The following ELF2 variants were observed in gnomAD, a reference collection of about 807,000 sequenced individuals.
ELF2 encodes the protein E74 like ETS transcription factor 2.
Under a neutral mutation model 54.8 loss-of-function variants are expected in ELF2, and 11 were observed. The observed-to-expected ratio is 0.20, with a 90% CI of 0.13 to 0.33. The LOEUF is 0.33. ELF2 is among the 10% of genes least tolerant of loss of function. The pLI is 1.00. For missense variants in ELF2, 513 were observed against 703.0 expected, an observed-to-expected ratio of 0.73 and a Z score of 3.06; for synonymous variants, 203 against 245.1, an observed-to-expected ratio of 0.83 and a Z score of 1.61.
At chr4:139,127,266 A>G (rs1164641499) in intron 3 of ELF2, among the ~76,000 whole-genome samples, 1 of 152,172 alleles carries the variant, frequency 6.6e-6, no homozygotes, top group African/African-American at 2.4e-5. Context: ...TCTTCATGTG[A>G]CCATATACCT....
chr4:139,125,314 A>G lies in ELF2; in HGVS notation c.88T>C (p.Ser30Pro), dbSNP rs1736807175. Residue 30 changes from serine to proline, a missense_variant, in exon 4 of 10, where the codon TCT becomes CCT. Around this residue, in one of 3 missense-constraint regions of ELF2, gnomAD observed 203 missense variants for 245.9 expected, o/e 0.83. Coordinates refer to ENST00000686138, the MANE Select transcript of ELF2 (RefSeq NM_001331036.3). ...VENQEESEKV[S>P]EYPAVIVEPV... Reference sequence around the variant, plus strand: ...TCCACAATCACTGCTGGATATTCAGAAACCTTTTCACTTTCCTATAAGAGC... The same window carrying G: ...TCCACAATCACTGCTGGATATTCAGGAACCTTTTCACTTTCCTATAAGAGC... The G allele has an allele frequency of 1.2e-6, 2 of 1,608,962 alleles. No individual in the cohort carries two copies. The highest frequency in any genetic ancestry group is 1.7e-6 in the Non-Finnish European group (2 of 1,178,884).
At position 139,144,271 on chromosome 4, in the gene ELF2, C is replaced by T. The variant is rs146388115; in HGVS notation, c.-251-4774G>A. On this transcript the variant is annotated intron_variant, in intron 1 of 9. Transcript: ENST00000686138. ...AGGAAGGCCTTAACCCCACCCAGTG[C>T]TAAAACTAATATAGGGAGCAGTGGA... Among the ~76,000 whole-genome samples the T allele has an allele frequency of 2.4e-3, 370 of 152,192 alleles. 1 individual carries two copies. The highest frequency in any genetic ancestry group is 8.4e-3 in the African/African-American group (350 of 41,522).
chr4:139,133,108 A>G (rs186728174), intron 3 of ELF2, among the ~76,000 whole-genome samples: 23 of 152,092 alleles, frequency 1.5e-4, no homozygotes, highest in African/African-American at 5.1e-4. Flanking sequence ...TTTTTAGTAC[A>G]GACGGGGTTT....
chr4:139,092,414 TACATAACATA>T (rs1553959669), intron 4 of ELF2, among the ~76,000 whole-genome samples: 202 of 87,816 alleles, frequency 2.3e-3, no homozygotes, highest in East Asian at 0.018. Context: ...TAACATAACA[TACATAACATA>T]ACATAACATA....
chr4:139,177,471 C>T (rs971493512), upstream of ELF2, among the ~76,000 whole-genome samples: 3 of 151,298 alleles, frequency 2.0e-5, no homozygotes, highest in Admixed American at 6.6e-5. Flanking sequence ...CCCACCAGCC[C>T]GCCGAACCTG....
intron 4 of ELF2, among the ~76,000 whole-genome samples, chr4:139,120,627 A>C (rs958107890): frequency 4.0e-5 from 6 of 151,782 alleles, no homozygotes; most frequent in African/African-American, 1.2e-4. Flanking sequence ...TTTTTTTAAG[A>C]GATGGAGTCT....
intron 4 of ELF2, among the ~76,000 whole-genome samples, chr4:139,077,014 A>G (rs1278622575): frequency 6.6e-6 from 1 of 152,162 alleles, no homozygotes; most frequent in Non-Finnish European, 1.5e-5. Flanking sequence ...CAGAAGATCT[A>G]ATACTCTACG....
At position 139,156,643 on chromosome 4, in the gene ELF2, T is replaced by C. The variant is rs376873728; in HGVS notation, c.-251-17146A>G. Among the ~76,000 whole-genome samples, 60 of 91,140 alleles carry C rather than the reference T, an allele frequency of 6.6e-4. 1 individual carries two copies. The highest frequency in any genetic ancestry group is 2.3e-3 in the East Asian group (10 of 4,406). The allele number at this position is 91,140 out of a possible 152,430, so 59.8% of individuals were successfully genotyped here. On this transcript the variant is annotated intron_variant, in intron 1 of 9. Coordinates refer to ENST00000686138, the MANE Select transcript of ELF2 (RefSeq NM_001331036.3). ...TGTTTTGTTGTTGTTGTTGTTGTTG[T>C]TGCTGTTGTTGTTAAAGACAGAGTC...
chr4:139,122,736 C>T (rs1736511283), intron 4 of ELF2, among the ~76,000 whole-genome samples: 3 of 151,186 alleles, frequency 2.0e-5, no homozygotes, highest in Admixed American at 6.6e-5. Context: ...CTCTTGACTT[C>T]GTGATCCACC....
At chr4:139,167,914 G>A (rs12650798) in intron 1 of ELF2, among the ~76,000 whole-genome samples, 2,844 of 152,222 alleles carry the variant, frequency 0.019, 84 homozygotes, top group East Asian at 0.12. Context: ...CTCTTAAGGC[G>A]TAGCTTTTTC....
chr4:139,125,399 G>T, intron 3 of ELF2, 70 bp from the exon 4 acceptor site: 1 of 1,559,362 alleles, frequency 6.4e-7, no homozygotes. Context: ...ATAAATCCTT[G>T]AACTAATACA....
chr4:139,103,547 T>C (rs940139792), intron 4 of ELF2, among the ~76,000 whole-genome samples: 3 of 152,274 alleles, frequency 2.0e-5, no homozygotes, highest in African/African-American at 7.2e-5. Flanking sequence ...TGGAGGTTCC[T>C]GGAGTGTGGC....
At chr4:139,163,301 AAAG>A (rs997292988) in intron 1 of ELF2, among the ~76,000 whole-genome samples, 2 of 152,154 alleles carry the variant, frequency 1.3e-5, no homozygotes, top group Non-Finnish European at 1.5e-5. Context: ...CATTGAGAAA[AAAG>A]AATAACTGTA....
intron 4 of ELF2, chr4:139,084,496 G>A: frequency 2.2e-6 from 2 of 919,232 alleles, no homozygotes; most frequent in Non-Finnish European, 2.7e-6. Context: ...CTGGCAACGC[G>A]ATCCTTCCGC....
chr4:139,166,943 T>C (rs1201666786), intron 1 of ELF2, among the ~76,000 whole-genome samples: 1 of 152,230 alleles, frequency 6.6e-6, no homozygotes, highest in African/African-American at 2.4e-5. Flanking sequence ...CTGTTGGTTC[T>C]TTACTTAAAT....
intron 4 of ELF2, among the ~76,000 whole-genome samples, chr4:139,082,904 T>C (rs1047821190): frequency 6.6e-6 from 1 of 152,230 alleles, no homozygotes; most frequent in Non-Finnish European, 1.5e-5. Context: ...TTTTTCTATG[T>C]AACTTAAGTC....
chr4:139,164,802 C>T (rs1399309882), intron 1 of ELF2, among the ~76,000 whole-genome samples: 4 of 152,208 alleles, frequency 2.6e-5, no homozygotes, highest in African/African-American at 9.6e-5. Context: ...TTACAGTTTA[C>T]AGCAGTTCTG....
intron 1 of ELF2, among the ~76,000 whole-genome samples, chr4:139,157,813 C>T (rs1740698585): frequency 6.6e-6 from 1 of 152,184 alleles, no homozygotes; most frequent in South Asian, 2.1e-4. Flanking sequence ...TAATCAACGA[C>T]GATTTGTTCA....
chr4:139,065,340 G>A (rs1169925034), intron 7 of ELF2, among the ~76,000 whole-genome samples: 1 of 152,086 alleles, frequency 6.6e-6, no homozygotes. Flanking sequence ...AGCCAGACAC[G>A]GTGGTATGTG....
Sources: allele counts gnomAD v4.1 joint callset (sites outside exome capture counted in the v4.1 genomes callset), GRCh38; gene constraint gnomAD v4.1.1; regional missense constraint gnomAD v4.1.1; transcripts MANE v1.5; gene names NCBI Gene and HGNC (gene_info 2026-07-23, HGNC 2026-07-21).